Variants in SYTL3 observed in about 807,000 individuals in gnomAD.
SYTL3 encodes the protein synaptotagmin like 3.
A neutral mutation model predicts 82.1 loss-of-function variants in SYTL3; 88 were observed. The observed-to-expected ratio is 1.07, with a 90% CI of 0.90 to 1.28. The LOEUF (loss-of-function observed/expected upper bound fraction) is 1.28, where lower values mean the gene tolerates loss of function less well. Among genes scored for constraint, SYTL3 ranks in the 50% most tolerant of loss-of-function variants. The pLI is 0.00. For missense variants in SYTL3, 831 were observed against 757.6 expected (o/e 1.10, Z -1.14); for synonymous variants, 311 against 289.4 (o/e 1.07, Z -0.76).
rs761011545 is a variant in SYTL3 at position 158,757,214 on chromosome 6, C to T, written c.1141C>T (p.Gln381Ter). The T allele has an allele frequency of 1.9e-6, 3 of 1,608,880 alleles. No homozygotes were observed. Among genetic ancestry groups the T allele is most frequent in the Non-Finnish European group, 2.5e-6 (3 of 1,179,696 alleles). Residue 381 changes from glutamine to a stop codon, truncating the protein, a stop_gained, in exon 14 of 18, where the codon CAG becomes TAG. Transcript: ENST00000611299. LOFTEE classifies it high-confidence loss of function. The stretch of plus-strand genomic sequence containing the variant: ...CATCTCTTCCTTGCCTCTGCAGTAT[C>T]AGGTGGCCCCTGCCCAGCTGGTGAC... ...DPTFQETLKY[Q>*]VAPAQLVTRQ...
chr6:158,743,259 G>T (rs755910883), intron 11 of SYTL3, among the ~76,000 whole-genome samples: 2 of 152,146 alleles, frequency 1.3e-5, no homozygotes, highest in Non-Finnish European at 2.9e-5. Flanking sequence ...GAAGTGAAAG[G>T]CAGCTCCGGA....
At chr6:158,679,579 ATTC>A (rs1006461501) in intron 5 of SYTL3, among the ~76,000 whole-genome samples, 10 of 114,318 alleles carry the variant, frequency 8.7e-5, no homozygotes, top group African/African-American at 5.7e-4. Flanking sequence ...TTTTTACTTT[ATTC>A]TTTAATCACA....
chr6:158,684,564 C>A (rs1034436934), intron 6 of SYTL3, among the ~76,000 whole-genome samples: 11 of 152,142 alleles, frequency 7.2e-5, no homozygotes, highest in Non-Finnish European at 1.6e-4. Context: ...AGCACCCCTC[C>A]TCTGTGATGT....
intron 17 of SYTL3, 137 bp downstream of exon 17, chr6:158,763,646 T>C: frequency 1.4e-6 from 1 of 701,084 alleles, no homozygotes; most frequent in South Asian, 1.8e-5. Flanking sequence ...TGGAAATGCC[T>C]AAGTCTAGTT....
At chr6:158,672,144 A>T (rs1777453170) in intron 5 of SYTL3, among the ~76,000 whole-genome samples, 3 of 152,110 alleles carry the variant, frequency 2.0e-5, no homozygotes, top group Non-Finnish European at 2.9e-5. Flanking sequence ...ACAAAAAATT[A>T]GGTGGGCATG....
intron 5 of SYTL3, among the ~76,000 whole-genome samples, chr6:158,674,286 T>G (rs1256812536): frequency 6.6e-6 from 1 of 152,156 alleles, no homozygotes; most frequent in African/African-American, 2.4e-5. Flanking sequence ...TTTGGCTCTG[T>G]TAGTTTATGA....
Position 158,708,373 on chromosome 6 carries a change from C to A in SYTL3, c.498C>A (p.Cys166Ter). ...CACCTCCTGTCAGCGAGAGCCAGTGCAGCCGCAGTCCTGGCAGGGTAACGT... is the reference window on the plus strand; with the variant it reads ...CACCTCCTGTCAGCGAGAGCCAGTGAAGCCGCAGTCCTGGCAGGGTAACGT... ...PTPPPVSESQ[C>*]SRSPGRLQEF... Residue 166 changes from cysteine to a stop codon, truncating the protein, a stop_gained, in exon 8 of 18, where the codon TGC (cysteine) becomes TGA (stop). Transcript: ENST00000611299. LOFTEE classifies it high-confidence loss of function. The A allele has an allele frequency of 6.2e-7, 1 of 1,614,162 alleles. No individual in the cohort carries two copies. The highest frequency in any genetic ancestry group is 8.5e-7 in the Non-Finnish European group (1 of 1,179,998).
At position 158,714,013 on chromosome 6, in the gene SYTL3, C is replaced by T. The variant is rs556759573; in HGVS notation, c.595+135C>T. On this transcript the variant is annotated intron_variant, in intron 9 of 17. Coordinates refer to ENST00000611299, the MANE Select transcript of SYTL3 (RefSeq NM_001242394.2). Reference sequence around the variant, plus strand: ...CTTTGTCTCTGGACCCTGGGGAAAGCCACAGCACCTGGCCCTTCATCTCTT... The same window carrying T: ...CTTTGTCTCTGGACCCTGGGGAAAGTCACAGCACCTGGCCCTTCATCTCTT... The T allele has an allele frequency of 4.4e-6, 3 of 677,834 alleles. No homozygotes were observed. The South Asian group carries it at 5.0e-5, about 11-fold the overall frequency. 42.0% of individuals were successfully genotyped at this position (677,834 alleles called of 1,614,324 possible).
At chr6:158,669,466 A>G (rs1777119863) in intron 5 of SYTL3, among the ~76,000 whole-genome samples, 2 of 152,226 alleles carry the variant, frequency 1.3e-5, no homozygotes, top group East Asian at 3.8e-4. Context: ...TTAGAACCAA[A>G]TTGGTTTGTA....
intron 8 of SYTL3, among the ~76,000 whole-genome samples, chr6:158,712,443 A>G (rs1197281204): frequency 6.6e-6 from 1 of 152,234 alleles, no homozygotes; most frequent in Non-Finnish European, 1.5e-5. Flanking sequence ...TAAGTCCACG[A>G]GTCCACCCCT....
At chr6:158,711,796 A>C (rs1231939466) in intron 8 of SYTL3, among the ~76,000 whole-genome samples, 1 of 152,178 alleles carries the variant, frequency 6.6e-6, no homozygotes, top group Non-Finnish European at 1.5e-5. Context: ...TGATGTTGCC[A>C]TGGCATTTGT....
chr6:158,725,747 TG>T (rs1370885618), intron 11 of SYTL3, 110 bp downstream of exon 11: 2 of 1,390,628 alleles, frequency 1.4e-6, no homozygotes, highest in Non-Finnish European at 2.0e-6. Flanking sequence ...TCCTTATTTT[TG>T]GAGAACAGCA....
intron 10 of SYTL3, among the ~76,000 whole-genome samples, chr6:158,722,848 C>T (rs1049951733): frequency 2.0e-5 from 3 of 147,576 alleles, no homozygotes; most frequent in Admixed American, 2.0e-4. Context: ...TCACTGCAAC[C>T]TCCGCCTCCC....
chr6:158,686,483 C>A (rs1013043878), intron 6 of SYTL3, among the ~76,000 whole-genome samples: 2 of 152,060 alleles, frequency 1.3e-5, no homozygotes, highest in Admixed American at 1.3e-4. Flanking sequence ...TAGGAGCACA[C>A]AAGTAGTGCT....
intron 11 of SYTL3, among the ~76,000 whole-genome samples, chr6:158,745,183 T>C (rs770047298): frequency 4.6e-5 from 7 of 151,614 alleles, no homozygotes; most frequent in Non-Finnish European, 7.4e-5. Flanking sequence ...CAGAATTGCA[T>C]AGGAGCTAGT....
intron 11 of SYTL3, among the ~76,000 whole-genome samples, chr6:158,735,272 A>T (rs1389950940): frequency 6.6e-6 from 1 of 152,156 alleles, no homozygotes; most frequent in Non-Finnish European, 1.5e-5. Flanking sequence ...GGCATATGAG[A>T]TTATGCAATT....
intron 6 of SYTL3, among the ~76,000 whole-genome samples, chr6:158,701,761 A>G (rs1781334058): frequency 6.6e-6 from 1 of 151,948 alleles, no homozygotes; most frequent in South Asian, 2.1e-4. Flanking sequence ...AACAACAGAA[A>G]TGTATCATCT....
At chr6:158,719,409 A>G (rs1157612118) in intron 10 of SYTL3, among the ~76,000 whole-genome samples, 2 of 152,206 alleles carry the variant, frequency 1.3e-5, no homozygotes, top group Non-Finnish European at 2.9e-5. Flanking sequence ...GGCTCTTAAA[A>G]TGCAGATTCC....
chr6:158,726,174 T>C (rs1221338555), intron 11 of SYTL3: 1 of 426,556 alleles, frequency 2.3e-6, no homozygotes. Flanking sequence ...GCACAAGCTA[T>C]AAAAATCACT....
Sources: allele counts gnomAD v4.1 joint callset (sites outside exome capture counted in the v4.1 genomes callset), GRCh38; gene constraint gnomAD v4.1.1; transcripts MANE v1.5; gene names NCBI Gene and HGNC (gene_info 2026-07-23, HGNC 2026-07-21).